Variants in CLIP3 observed in about 807,000 individuals in gnomAD.
CLIP3 encodes CAP-Gly domain containing linker protein 3.
Under a neutral mutation model 59.4 loss-of-function variants are expected in CLIP3, and 15 were observed. That is an observed-to-expected ratio of 0.25 (90% confidence interval 0.17 to 0.39). The LOEUF (loss-of-function observed/expected upper bound fraction) is 0.39, where lower values mean the gene tolerates loss of function less well. Among genes scored for constraint, CLIP3 ranks in the 10% least tolerant of loss-of-function variants. The pLI is 1.00. For missense variants in CLIP3, 495 were observed against 765.7 expected, an observed-to-expected ratio of 0.65 and a Z score of 4.17; for synonymous variants, 300 against 321.6, an observed-to-expected ratio of 0.93 and a Z score of 0.72.
chr19:36,026,739 CG>C lies in CLIP3; in HGVS notation c.408del (p.Ala137ArgfsTer17). 1.3e-6 allele frequency: 2 copies of C among 1,596,932 alleles called. No homozygotes were observed. On this transcript the variant is annotated frameshift_variant, in exon 5 of 14. Transcript: ENST00000360535. LOFTEE classifies it high-confidence loss of function. The surrounding 1 kb of genome is among the most constrained non-coding windows in gnomAD (Gnocchi z 6.3). Reference protein sequence around the residue: ...CKAGAHGVGDPAAAVRLSQQL... With the variant: ...CKAGAHGVGDXAAAVRLSQQL... ...TGCTGCGAGAGGCGCACGGCTGCCGCGGGGTCCCCTGCGCGATAGGCCGGGT... is the reference window on the plus strand; with the variant it reads ...TGCTGCGAGAGGCGCACGGCTGCCGCGGGTCCCCTGCGCGATAGGCCGGGT...
chr19:36,018,016 G>A (rs1347400198), intron 9 of CLIP3, 25 bp from the exon 10 acceptor site: 2 of 1,612,462 alleles, frequency 1.2e-6, no homozygotes, highest in South Asian at 1.1e-5. Context: ...TGTAGGAGGT[G>A]GGTAGTGGGG....
At chr19:36,028,640 C>T (rs914881766) in intron 2 of CLIP3, among the ~76,000 whole-genome samples, 3 of 152,340 alleles carry the variant, frequency 2.0e-5, no homozygotes, top group Admixed American at 1.3e-4. Flanking sequence ...ACTGCAGTCA[C>T]ATCATAGCCC....
rs1969110869 is a variant in CLIP3 at position 36,026,447 on chromosome 19, G to A, written c.562+139C>T. On this transcript the variant is annotated intron_variant, in intron 5 of 13. Coordinates refer to ENST00000360535, the MANE Select transcript of CLIP3 (RefSeq NM_015526.3). The surrounding 1 kb of genome is among the most constrained non-coding windows in gnomAD (Gnocchi z 6.3). ...CCCTCCCTAGAGTGGTAGTCCCTGA[G>A]CCCCCTCTCCCACGCCTCCAACCTC... The A allele has an allele frequency of 1.6e-6, 2 of 1,252,646 alleles. No homozygotes were observed. Among genetic ancestry groups the A allele is most frequent in the Admixed American group, 2.2e-5 (1 of 46,294 alleles). 77.6% of individuals were successfully genotyped at this position (1,252,646 alleles called of 1,614,324 possible).
At chr19:36,019,336 G>A (rs2145392170) in intron 7 of CLIP3, 30 bp from the exon 8 acceptor site, 3 of 1,592,116 alleles carry the variant, frequency 1.9e-6, no homozygotes, top group East Asian at 2.3e-5. Context: ...GATGGCTAAG[G>A]AAGGAATGCT....
At position 36,016,237 on chromosome 19, in the gene CLIP3, C is replaced by T. The variant is rs186824653; in HGVS notation, c.1590-25G>A. The T allele has an allele frequency of 3.9e-4, 625 of 1,613,800 alleles. 1 individual carries two copies. The highest frequency in any genetic ancestry group is 1.3e-4 in the Non-Finnish European group (154 of 1,179,860). ...CCTGGAAAGGAGGATGACAGGGTCA[C>T]GCCCTTAGGCAGGCAGCGGGGACAT... On this transcript the variant is annotated intron_variant, in intron 13 of 13. Coordinates refer to ENST00000360535, the MANE Select transcript of CLIP3 (RefSeq NM_015526.3). This position sits in a 1 kb window ranked among gnomAD's most constrained non-coding sequence, Gnocchi z 4.1.
At chr19:36,021,647 T>C (rs1256923423) in intron 7 of CLIP3, among the ~76,000 whole-genome samples, 1 of 151,740 alleles carries the variant, frequency 6.6e-6, no homozygotes, top group Non-Finnish European at 1.5e-5. Context: ...TGGTCTCGAA[T>C]TCCTGGGCTC....
Position 36,026,415 on chromosome 19 carries a change from GC to G in CLIP3, c.563-151del. The G allele has an allele frequency of 9.1e-7, 1 of 1,100,854 alleles. No homozygotes were observed. The highest frequency in any genetic ancestry group is 1.3e-6 in the Non-Finnish European group (1 of 773,058). The allele number at this position is 1,100,854 out of a possible 1,614,324, so 68.2% of individuals were successfully genotyped here. A position where few individuals can be genotyped will look rare whatever the true frequency, so the allele number is the denominator to read the frequency against. ...CTCGGAGCCCCCCTCTCCCTTGGCA[GC>G]CCCGACCCTCCCTAGAGTGGTAGTC... On this transcript the variant is annotated intron_variant, in intron 5 of 13. Coordinates refer to ENST00000360535, the MANE Select transcript of CLIP3 (RefSeq NM_015526.3). This position sits in a 1 kb window ranked among gnomAD's most constrained non-coding sequence, Gnocchi z 6.3.
At chr19:36,024,188 CA>C (rs1270788214) in intron 7 of CLIP3, among the ~76,000 whole-genome samples, 4 of 152,324 alleles carry the variant, frequency 2.6e-5, no homozygotes, top group Non-Finnish European at 4.4e-5. Context: ...GGTTGTTTCC[CA>C]CCCTGGATGG....
chr19:36,017,534 G>T lies in CLIP3; in HGVS notation c.1452-84C>A. 6 of 1,600,784 alleles carry T rather than the reference G, an allele frequency of 3.7e-6. No homozygotes were observed. In the South Asian group the frequency reaches 6.6e-5, roughly 18 times the overall value. The stretch of plus-strand genomic sequence containing the variant: ...GAGCTGGGCCCCAGGGATCTATGAG[G>T]AAAGGGCTGGGGGCTCGGGGGTGTC... On this transcript the variant is annotated intron_variant, in intron 11 of 13. Transcript: ENST00000360535.
In CLIP3 at chr19:36,032,462, T is replaced by G; in HGVS notation, c.-58-47A>C. ...AGAGGGTGCCCGGCAGGCTCCAGGG[T>G]CCAAGCCCCTAGGAGCTTCCAGGGC... On this transcript the variant is annotated intron_variant, in intron 1 of 13. Coordinates refer to ENST00000360535, the MANE Select transcript of CLIP3 (RefSeq NM_015526.3). This position sits in a 1 kb window ranked among gnomAD's most constrained non-coding sequence, Gnocchi z 4.3. The G allele has an allele frequency of 2.0e-6, 1 of 497,426 alleles. No homozygotes were observed. Among genetic ancestry groups the G allele is most frequent in the South Asian group, 9.9e-5 (1 of 10,062 alleles). The allele number at this position is 497,426 out of a possible 1,614,324, so 30.8% of individuals were successfully genotyped here.
intron 2 of CLIP3, among the ~76,000 whole-genome samples, chr19:36,028,975 C>T (rs980398738): frequency 6.6e-6 from 1 of 151,492 alleles, no homozygotes; most frequent in African/African-American, 2.4e-5. Context: ...AATCGGCACC[C>T]GCCCTTCTCC....
Position 36,026,896 on chromosome 19 carries a change from T to G in CLIP3, c.400+56A>C. ...TGAGTTCTGGGTGGTTTTCAGCGTG[T>G]TGGGTCTGGGGGCCTAGGCTTTGGG... is the stretch of plus-strand genomic sequence containing the variant. On this transcript the variant is annotated intron_variant, in intron 4 of 13. Coordinates refer to ENST00000360535, the MANE Select transcript of CLIP3 (RefSeq NM_015526.3). The surrounding 1 kb of genome is among the most constrained non-coding windows in gnomAD (Gnocchi z 6.3). The G allele has an allele frequency of 2.6e-6, 4 of 1,525,322 alleles. No homozygotes were observed. Among genetic ancestry groups the G allele is most frequent in the Middle Eastern group, 2.2e-4 (1 of 4,586 alleles). 94.5% of individuals were successfully genotyped at this position (1,525,322 alleles called of 1,614,324 possible).
chr19:36,022,676 C>G (rs1409813209), intron 7 of CLIP3, among the ~76,000 whole-genome samples: 1 of 152,170 alleles, frequency 6.6e-6, no homozygotes, highest in African/African-American at 2.4e-5. Flanking sequence ...AATCCCAGCA[C>G]TTTGGGAGCC....
At position 36,026,775 on chromosome 19, in the gene CLIP3, AC is replaced by A; in HGVS notation, c.401-29del. The stretch of plus-strand genomic sequence containing the variant: ...GCGCGATAGGCCGGGTCAGCTTGGA[AC>A]CCCCATTCCAGAGCATGGGCCCAGT... On this transcript the variant is annotated intron_variant, in intron 4 of 13. Transcript: ENST00000360535. The surrounding 1 kb of genome is among the most constrained non-coding windows in gnomAD (Gnocchi z 6.3). The A allele has an allele frequency of 6.3e-7, 1 of 1,583,094 alleles. No individual in the cohort carries two copies. Among genetic ancestry groups the A allele is most frequent in the South Asian group, 1.1e-5 (1 of 89,028 alleles).
In CLIP3 at chr19:36,024,582, C is replaced by G; in HGVS notation, c.732G>C (p.Met244Ile). 1 of 1,614,248 alleles carries G rather than the reference C, an allele frequency of 6.2e-7. No individual in the cohort carries two copies. Among genetic ancestry groups the G allele is most frequent in the Non-Finnish European group, 8.5e-7 (1 of 1,180,042 alleles). Residue 244 changes from methionine to isoleucine, a missense_variant, in exon 7 of 14, where the codon ATG (methionine) becomes ATC (isoleucine). By Grantham distance (10) the Met-to-Ile change is conservative (BLOSUM62 1). This residue lies in a region of CLIP3 where 194 missense variants were observed against 327.8 expected (regional missense o/e 0.59). Transcript: ENST00000360535. ...GTGCCGCCTCTGCCTTGTCCAGGGA[C>G]ATGTCCATAGGATCTGGGACCACCT... ...PAEVVPDPMDMSLDKAEAALV... is the reference protein window; with the variant it reads ...PAEVVPDPMDISLDKAEAALV...
rs1401356474 is a variant in CLIP3, at chr19:36,026,189, G to A, written c.639C>T (p.Ala213=). 1.9e-6 allele frequency: 3 copies of A among 1,613,700 alleles called. No homozygotes were observed. Among genetic ancestry groups the A allele is most frequent in the Non-Finnish European group, 2.5e-6 (3 of 1,179,968 alleles). The change falls in exon 6 of 14, where the codon GCC becomes GCT. Residue 213 remains alanine, a synonymous_variant. Coordinates refer to ENST00000360535, the MANE Select transcript of CLIP3 (RefSeq NM_015526.3). This position sits in a 1 kb window ranked among gnomAD's most constrained non-coding sequence, Gnocchi z 6.3. ...CGCCGTGCTCCAGCAAACATTTGGCGGCGCCCAGGCACAGGCTGGAAGCAG... is the reference window on the plus strand; with the variant it reads ...CGCCGTGCTCCAGCAAACATTTGGCAGCGCCCAGGCACAGGCTGGAAGCAG... ...HIAASSLCLG[A]AKCLLEHGAN... is the part of the protein sequence containing the mutation.
At position 36,017,830 on chromosome 19, in the gene CLIP3, C is replaced by G; in HGVS notation, c.1327+18G>C. The G allele has an allele frequency of 2.5e-6, 4 of 1,614,164 alleles. No individual in the cohort carries two copies. In the Admixed American group the frequency reaches 6.7e-5, roughly 27 times the overall value. Reference sequence around the variant, plus strand: ...TCAAGGCCCTGCCTGCCTCCCGGCCCAGAGTCCCCATCCTCACCTGGGGCA... The same window carrying G: ...TCAAGGCCCTGCCTGCCTCCCGGCCGAGAGTCCCCATCCTCACCTGGGGCA... On this transcript the variant is annotated intron_variant, in intron 10 of 13. Coordinates refer to ENST00000360535, the MANE Select transcript of CLIP3 (RefSeq NM_015526.3).
intron 7 of CLIP3, among the ~76,000 whole-genome samples, chr19:36,024,149 C>T (rs1969027292): frequency 6.6e-6 from 1 of 152,210 alleles, no homozygotes; most frequent in African/African-American, 2.4e-5. Context: ...GCAGCCATGA[C>T]CACTCTCGGC....
rs1196655450 is a variant in CLIP3, at chr19:36,032,053, G to A, written c.166+139C>T. 3 of 432,222 alleles carry A rather than the reference G, an allele frequency of 6.9e-6. No individual in the cohort carries two copies. The highest frequency in any genetic ancestry group is 6.0e-4 in the Middle Eastern group (1 of 1,680). The allele number at this position is 432,222 out of a possible 1,614,324, so 26.8% of individuals were successfully genotyped here. A position where few individuals can be genotyped will look rare whatever the true frequency, so the allele number is the denominator to read the frequency against. Reference sequence around the variant, plus strand: ...GGGTGAATGAATGAATTAACGAGGGGTGCTCTGCAGCCAAGATTCCTCTGG... The same window carrying A: ...GGGTGAATGAATGAATTAACGAGGGATGCTCTGCAGCCAAGATTCCTCTGG... On this transcript the variant is annotated intron_variant, in intron 2 of 13. Transcript: ENST00000360535. The surrounding 1 kb of genome is among the most constrained non-coding windows in gnomAD (Gnocchi z 4.3).
Sources: allele counts gnomAD v4.1 joint callset (sites outside exome capture counted in the v4.1 genomes callset), GRCh38; gene constraint gnomAD v4.1.1; regional missense constraint gnomAD v4.1.1; non-coding constraint Gnocchi (gnomAD v3.1); transcripts MANE v1.5; gene names NCBI Gene and HGNC (gene_info 2026-07-23, HGNC 2026-07-21).